RNF114: variants seen among roughly 807,000 people sequenced by gnomAD.
The protein encoded by RNF114 is ring finger protein 114.
Under a neutral mutation model 28.4 loss-of-function variants are expected in RNF114, and 6 were observed. That is an observed-to-expected ratio of 0.21 (90% CI 0.12 to 0.42). The LOEUF is 0.42. Among genes scored for constraint, RNF114 ranks in the 10% least tolerant of loss-of-function variants. The pLI is 1.00. For synonymous variants in RNF114, 115 were observed against 116.7 expected (o/e 0.99, Z 0.09); for missense variants, 249 against 311.7 (o/e 0.80, Z 1.51).
At chr20:49,949,421 A>C in intron 5 of RNF114, 66 bp downstream of exon 5, 29 of 1,341,818 alleles carry the variant, frequency 2.2e-5, no homozygotes, top group Non-Finnish European at 2.9e-5. Context: ...CACTCTTCTC[A>C]AAAGGGGAAA....
chr20:49,941,522 A>G, intron 1 of RNF114, 39 bp from the exon 2 acceptor site: 2 of 1,533,974 alleles, frequency 1.3e-6, no homozygotes, highest in Non-Finnish European at 8.8e-7. Flanking sequence ...TCTTGTCTCC[A>G]TGATGCGTGA....
chr20:49,936,540 C>G lies in RNF114; in HGVS notation c.128C>G (p.Pro43Arg), dbSNP rs1339632173. 3 of 1,587,754 alleles carry G rather than the reference C, an allele frequency of 1.9e-6. No individual in the cohort carries two copies. Among genetic ancestry groups the G allele is most frequent in the Non-Finnish European group, 2.6e-6 (3 of 1,168,386 alleles). The change falls in exon 1 of 6, where the codon CCC (proline) becomes CGC (arginine). Residue 43 changes from proline (P) to arginine (R), a missense_variant. This residue lies in a region of RNF114 where 123 missense variants were observed against 106.4 expected (regional missense o/e 1.16). Coordinates refer to ENST00000244061, the MANE Select transcript of RNF114 (RefSeq NM_018683.4). Reference protein sequence around the residue: ...LEVYEKPVQVPCGHVFCSACL... With the variant: ...LEVYEKPVQVRCGHVFCSACL... ...GTGTACGAGAAGCCGGTACAGGTGC[C>G]CTGCGGACACGTGTAAGCGGCGAGC...
At chr20:49,951,974 A>G (rs141913216) in intron 5 of RNF114, 102 bp from the exon 6 acceptor site, 16 of 926,590 alleles carry the variant, frequency 1.7e-5, no homozygotes, top group South Asian at 2.7e-5. Context: ...GTCCCTGGCA[A>G]CCTGCTCCGG....
At position 49,939,239 on chromosome 20, in the gene RNF114, G is replaced by C. The variant is rs186757895; in HGVS notation, c.141-2322G>C. On this transcript the variant is annotated intron_variant, in intron 1 of 5. Transcript: ENST00000244061. ...AACATTTGTGTTTCCCTTCACTCTAGAATGTAAGCATCATGAGAACAGGGC... is the reference window on the plus strand; with the variant it reads ...AACATTTGTGTTTCCCTTCACTCTACAATGTAAGCATCATGAGAACAGGGC... Among the ~76,000 whole-genome samples, 8 of 152,248 alleles carry C rather than the reference G, an allele frequency of 5.3e-5. No individual in the cohort carries two copies. In the East Asian group the frequency reaches 1.5e-3, roughly 29 times the overall value.
At chr20:49,945,335 T>A (rs1568920057) in intron 2 of RNF114, 47 bp from the exon 3 acceptor site, 1 of 1,257,046 alleles carries the variant, frequency 8.0e-7, no homozygotes. Flanking sequence ...ATTTTGCCTG[T>A]TGCAAGGTCC....
At chr20:49,945,811 AC>A (rs1179001556) in intron 3 of RNF114, among the ~76,000 whole-genome samples, 1 of 152,080 alleles carries the variant, frequency 6.6e-6, no homozygotes, top group African/African-American at 2.4e-5. Flanking sequence ...GATTACAGGC[AC>A]CTGCCACCAT....
At chr20:49,945,524 C>A in intron 3 of RNF114, 36 bp downstream of exon 3, 1 of 1,269,318 alleles carries the variant, frequency 7.9e-7, no homozygotes, top group Non-Finnish European at 1.1e-6. Context: ...TGGAGGTCAT[C>A]TCTTGCTATT....
chr20:49,938,448 C>T (rs1471340041), intron 1 of RNF114, among the ~76,000 whole-genome samples: 1 of 152,180 alleles, frequency 6.6e-6, no homozygotes, highest in Non-Finnish European at 1.5e-5. Flanking sequence ...TTCTCCTGTG[C>T]CTAGTTGATT....
Position 49,947,696 on chromosome 20 carries a change from T to C in RNF114, c.513+1446T>C, listed in dbSNP as rs115651785. Among the ~76,000 whole-genome samples, 851 of 151,548 alleles carry C rather than the reference T, an allele frequency of 5.6e-3. 7 individuals are homozygous for C. The highest frequency in any genetic ancestry group is 0.02 in the African/African-American group (819 of 41,298). On this transcript the variant is annotated intron_variant, in intron 4 of 5. Coordinates refer to ENST00000244061, the MANE Select transcript of RNF114 (RefSeq NM_018683.4). ...CCTCCTTTGGCTTCTGAAATCCCTC[T>C]GATTATGTTGTCTATGTTGAGGCCT...
At chr20:49,943,747 C>T (rs980684776) in intron 2 of RNF114, among the ~76,000 whole-genome samples, 3 of 142,412 alleles carry the variant, frequency 2.1e-5, no homozygotes, top group Non-Finnish European at 4.5e-5. Flanking sequence ...CAGGCTCCGC[C>T]TGTTGGGTTC....
rs781538958 is a variant in RNF114, at chr20:49,949,288, A to G, written c.554A>G (p.Asn185Ser). The G allele has an allele frequency of 1.8e-5, 29 of 1,614,092 alleles. No individual in the cohort carries two copies. The highest frequency in any genetic ancestry group is 2.7e-5 in the African/African-American group (2 of 74,950). The change falls in exon 5 of 6, where the codon AAC becomes AGC. Residue 185 changes from asparagine to serine, a missense_variant. This residue lies in a region of RNF114 where 126 missense variants were observed against 205.3 expected (regional missense o/e 0.61). Transcript: ENST00000244061. ...ICASMPWGDP[N>S]YRSANFREHI... ...GCCTCGATGCCCTGGGGAGACCCCA[A>G]CTACCGCAGCGCCAACTTCAGAGAG...
chr20:49,936,695 C>G (rs2090288191), intron 1 of RNF114, 143 bp downstream of exon 1: 1 of 985,724 alleles, frequency 1.0e-6, no homozygotes, highest in Non-Finnish European at 1.4e-6. Flanking sequence ...TCCTAAGGGC[C>G]GTGAAAGCTG....
At chr20:49,947,535 G>A (rs2090337764) in intron 4 of RNF114, among the ~76,000 whole-genome samples, 1 of 151,976 alleles carries the variant, frequency 6.6e-6, no homozygotes, top group South Asian at 2.1e-4. Context: ...ATCTTTGCCT[G>A]TATCTATGTA....
intron 1 of RNF114, among the ~76,000 whole-genome samples, chr20:49,937,116 TAGG>T (rs1265497478): frequency 6.6e-6 from 1 of 152,176 alleles, no homozygotes; most frequent in Non-Finnish European, 1.5e-5. Context: ...ACTTCCTGTG[TAGG>T]AGGTTTGTTT....
At chr20:49,942,599 G>A (rs940263178) in intron 2 of RNF114, among the ~76,000 whole-genome samples, 2 of 152,102 alleles carry the variant, frequency 1.3e-5, no homozygotes, top group African/African-American at 2.4e-5. Context: ...AAGGTGGGTG[G>A]ATTGCTTGAG....
chr20:49,942,590 A>G (rs1168605836), intron 2 of RNF114, among the ~76,000 whole-genome samples: 1 of 152,202 alleles, frequency 6.6e-6, no homozygotes, highest in African/African-American at 2.4e-5. Flanking sequence ...TGGGAGGCCA[A>G]GGTGGGTGGA....
rs1467520351 is a variant in RNF114 at position 49,949,256 on chromosome 20, G to A, written c.522G>A (p.Pro174=). ...HSTDTKSVVC[P]ICASMPWGDP... ...TGCTTTTGTGTTGAAAGGTTTGTCC[G>A]ATATGTGCCTCGATGCCCTGGGGAG... The change falls in exon 5 of 6, where the codon CCG becomes CCA. Residue 174 remains proline, a synonymous_variant. Coordinates refer to ENST00000244061, the MANE Select transcript of RNF114 (RefSeq NM_018683.4). 15 of 1,614,062 alleles carry A rather than the reference G, an allele frequency of 9.3e-6. No individual in the cohort carries two copies. Among genetic ancestry groups the A allele is most frequent in the African/African-American group, 1.3e-5 (1 of 75,044 alleles).
chr20:49,951,976 C>A, intron 5 of RNF114, 100 bp from the exon 6 acceptor site: 7 of 966,286 alleles, frequency 7.2e-6, no homozygotes, highest in Non-Finnish European at 1.2e-5. Flanking sequence ...CCCTGGCAAC[C>A]TGCTCCGGAT....
rs2090358976 is a variant in RNF114 at position 49,952,546 on chromosome 20, G to A, written c.*405G>A. Reference sequence around the variant, plus strand: ...GGTCATGAATAGCACAATGAAGCAAGTGTCTCCTTTCCTTGTCCCCAAGGT... The same window carrying A: ...GGTCATGAATAGCACAATGAAGCAAATGTCTCCTTTCCTTGTCCCCAAGGT... On this transcript the variant is annotated 3_prime_UTR_variant, in exon 6 of 6. Coordinates refer to ENST00000244061, the MANE Select transcript of RNF114 (RefSeq NM_018683.4). 6 of 325,968 alleles carry A rather than the reference G, an allele frequency of 1.8e-5. No individual in the cohort carries two copies. Among genetic ancestry groups the A allele is most frequent in the Middle Eastern group, 8.6e-4 (1 of 1,166 alleles). 20.2% of individuals were successfully genotyped at this position (325,968 alleles called of 1,614,324 possible).
Sources: gnomAD v4.1 joint callset for allele counts (sites outside exome capture counted in the v4.1 genomes callset) on GRCh38, gnomAD v4.1.1 for gene constraint, gnomAD v4.1.1 regional missense constraint, MANE v1.5 for transcripts, NCBI Gene and HGNC (gene_info 2026-07-23, HGNC 2026-07-21) for gene names.